Variants in ADK observed in about 807,000 individuals in gnomAD.
ADK encodes the protein N6,N6-dimethyladenosine kinase.
ADK carries 24 observed loss-of-function variants against 44.7 expected under a neutral mutation model. That is an observed-to-expected ratio of 0.54 (90% CI 0.39 to 0.76). The LOEUF is 0.76. ADK is among the 30% of genes least tolerant of loss of function. ADK has a pLI of 0.00. For missense variants in ADK, 321 were observed against 425.1 expected, an observed-to-expected ratio of 0.76 and a Z score of 2.15; for synonymous variants, 128 against 142.6, an observed-to-expected ratio of 0.90 and a Z score of 0.73.
rs1307761984 is a variant in ADK, at chr10:74,159,674, C to A, written c.65+8331C>A. Among the ~76,000 whole-genome samples, 3 of 151,960 alleles carry A rather than the reference C, an allele frequency of 2.0e-5. No individual in the cohort carries two copies. In the East Asian group the frequency reaches 5.8e-4, roughly 29 times the overall value. ...GTGGCACGATCTCAGCTCACTGCAA[C>A]CTCCGCCTCCTGGGTTCAAGCAACT... On this transcript the variant is annotated intron_variant, in intron 1 of 10. Transcript: ENST00000539909.
chr10:74,310,729 A>G (rs980321548), intron 3 of ADK, among the ~76,000 whole-genome samples: 2 of 152,154 alleles, frequency 1.3e-5, no homozygotes, highest in Non-Finnish European at 2.9e-5. Flanking sequence ...TTAGCCTGAT[A>G]GTTACCTTTT....
At chr10:74,368,399 A>G (rs1370433749) in intron 4 of ADK, among the ~76,000 whole-genome samples, 1 of 151,154 alleles carries the variant, frequency 6.6e-6, no homozygotes, top group African/African-American at 2.4e-5. Flanking sequence ...GTGAGCCTCC[A>G]TGCCCAGCTA....
intron 6 of ADK, among the ~76,000 whole-genome samples, chr10:74,510,039 A>T (rs1848245042): frequency 6.6e-6 from 1 of 152,176 alleles, no homozygotes; most frequent in Non-Finnish European, 1.5e-5. Flanking sequence ...GTGCTGCAAT[A>T]AGCATAGGGG....
chr10:74,513,275 T>C (rs1848419087), intron 6 of ADK, among the ~76,000 whole-genome samples: 1 of 152,198 alleles, frequency 6.6e-6, no homozygotes, highest in Non-Finnish European at 1.5e-5. Flanking sequence ...GTATTTAGTC[T>C]ATGGTGCAGT....
At chr10:74,690,976 T>C (rs570452632) in intron 10 of ADK, among the ~76,000 whole-genome samples, 3 of 152,262 alleles carry the variant, frequency 2.0e-5, no homozygotes, top group Non-Finnish European at 4.4e-5. Flanking sequence ...ATGAGTCTAG[T>C]AAACTGAGGA....
At chr10:74,169,579 A>T (rs1467249930) in intron 1 of ADK, among the ~76,000 whole-genome samples, 1 of 152,224 alleles carries the variant, frequency 6.6e-6, no homozygotes, top group Non-Finnish European at 1.5e-5. Context: ...CTCCAGGGAA[A>T]TAAATTGCCA....
chr10:74,628,464 T>C (rs1348573918), intron 9 of ADK, among the ~76,000 whole-genome samples: 1 of 151,626 alleles, frequency 6.6e-6, no homozygotes, highest in Non-Finnish European at 1.5e-5. Flanking sequence ...GTGGAGCCAG[T>C]AGTACCTGAA....
At chr10:74,222,268 C>T (rs1198290235) in intron 2 of ADK, among the ~76,000 whole-genome samples, 2 of 152,136 alleles carry the variant, frequency 1.3e-5, no homozygotes, top group African/African-American at 2.4e-5. Flanking sequence ...AAATGCTCAC[C>T]ATCACTGGCC....
At chr10:74,673,769 A>C (rs1855277347) in intron 10 of ADK, among the ~76,000 whole-genome samples, 1 of 152,124 alleles carries the variant, frequency 6.6e-6, no homozygotes, top group African/African-American at 2.4e-5. Context: ...AACGAGTTGG[A>C]GATGGTAAAT....
intron 3 of ADK, among the ~76,000 whole-genome samples, chr10:74,268,771 TA>T (rs1351266042): frequency 2.6e-5 from 4 of 152,232 alleles, no homozygotes; most frequent in African/African-American, 9.6e-5. Flanking sequence ...AGTTGGTAGA[TA>T]TTGTCCAATT....
intron 9 of ADK, among the ~76,000 whole-genome samples, chr10:74,627,511 G>A (rs1424935619): frequency 6.6e-6 from 1 of 151,536 alleles, no homozygotes; most frequent in Non-Finnish European, 1.5e-5. Flanking sequence ...AATGGCCTCA[G>A]GTTTATCGAT....
At chr10:74,245,126 C>T (rs1454432843) in intron 3 of ADK, among the ~76,000 whole-genome samples, 1 of 152,138 alleles carries the variant, frequency 6.6e-6, no homozygotes, top group Non-Finnish European at 1.5e-5. Context: ...ATTAAACTTG[C>T]TTTTAAATCT....
intron 10 of ADK, among the ~76,000 whole-genome samples, chr10:74,695,472 A>ATGTGTGTG (rs66502036): frequency 1.9e-4 from 28 of 148,624 alleles, no homozygotes; most frequent in African/African-American, 5.9e-4. Context: ...GTATATATAT[A>ATGTGTGTG]TGTGTGTGTG....
intron 3 of ADK, among the ~76,000 whole-genome samples, chr10:74,252,891 T>A (rs1845697579): frequency 6.6e-6 from 1 of 152,210 alleles, no homozygotes; most frequent in Admixed American, 6.5e-5. Flanking sequence ...ACCCTCATAT[T>A]GGGTGGCATT....
In ADK at chr10:74,224,606, C is replaced by G; in HGVS notation, c.194+15C>G. Reference sequence around the variant, plus strand: ...CACAAGGAACTGTAAGTGCATTAAACCATTGGTTGTAAATAGTTTACTCTG... The same window carrying G: ...CACAAGGAACTGTAAGTGCATTAAAGCATTGGTTGTAAATAGTTTACTCTG... On this transcript the variant is annotated intron_variant, in intron 3 of 10. Coordinates refer to ENST00000539909, the MANE Select transcript of ADK (RefSeq NM_006721.4). 6.2e-7 allele frequency: 1 copy of G among 1,608,870 alleles called. No homozygotes were observed. Among genetic ancestry groups the G allele is most frequent in the Non-Finnish European group, 8.5e-7 (1 of 1,175,480 alleles).
intron 3 of ADK, among the ~76,000 whole-genome samples, chr10:74,286,454 T>C (rs564424040): frequency 6.6e-6 from 1 of 152,354 alleles, no homozygotes; most frequent in Admixed American, 6.5e-5. Context: ...TTCTAAGTCC[T>C]GGAAGAGGGA....
chr10:74,532,212 C>T (rs944888543), intron 7 of ADK, among the ~76,000 whole-genome samples: 1 of 152,098 alleles, frequency 6.6e-6, no homozygotes, highest in African/African-American at 2.4e-5. Context: ...TAAAAGCCCT[C>T]GGAGGCTGGG....
intron 10 of ADK, among the ~76,000 whole-genome samples, chr10:74,677,322 G>GT (rs1855427787): frequency 6.6e-6 from 1 of 152,154 alleles, no homozygotes; most frequent in African/African-American, 2.4e-5. Context: ...TTTTTAAAGA[G>GT]TTTTTTCAGA....
chr10:74,610,178 A>G (rs1441884728), intron 9 of ADK, among the ~76,000 whole-genome samples: 7 of 152,242 alleles, frequency 4.6e-5, no homozygotes, highest in Non-Finnish European at 8.8e-5. Context: ...AGTGTCCATC[A>G]GCAGATGAAC....
Sources: gnomAD v4.1 joint callset for allele counts (sites outside exome capture counted in the v4.1 genomes callset) on GRCh38, gnomAD v4.1.1 for gene constraint, MANE v1.5 for transcripts, NCBI Gene and HGNC (gene_info 2026-07-23, HGNC 2026-07-21) for gene names.